Variants in ASIC2 observed in about 807,000 individuals in gnomAD.
ASIC2 encodes acid-sensing ion channel 2.
A neutral mutation model predicts 57.3 loss-of-function variants in ASIC2; 25 were observed. The observed-to-expected ratio is 0.44, with a 90% confidence interval of 0.32 to 0.61. The LOEUF (loss-of-function observed/expected upper bound fraction) is 0.61. Among genes scored for constraint, ASIC2 ranks in the 20% least tolerant of loss-of-function variants. The pLI, the probability that ASIC2 is intolerant of heterozygous loss-of-function variation, is 0.06. For synonymous variants in ASIC2, 319 were observed against 307.5 expected (o/e 1.04, Z -0.39); for missense variants, 641 against 738.1 (o/e 0.87, Z 1.52).
intron 1 of ASIC2, among the ~76,000 whole-genome samples, chr17:34,077,780 CTAAG>C (rs994964721): frequency 3.1e-4 from 47 of 152,220 alleles, no homozygotes; most frequent in African/African-American, 1.0e-3. Flanking sequence ...GATAATGAAG[CTAAG>C]TGCCCAGAGA....
intron 1 of ASIC2, among the ~76,000 whole-genome samples, chr17:33,981,079 G>A (rs749993361): frequency 2.6e-5 from 4 of 151,868 alleles, no homozygotes; most frequent in Non-Finnish European, 5.9e-5. Context: ...GAGACCACAG[G>A]CGTGCACAAT....
At chr17:33,173,598 G>A (rs969732122) in intron 1 of ASIC2, among the ~76,000 whole-genome samples, 4 of 152,198 alleles carry the variant, frequency 2.6e-5, no homozygotes, top group African/African-American at 7.2e-5. Context: ...CTCTGAAGCA[G>A]TGAGTGTGAC....
chr17:33,649,078 G>A (rs551113358), intron 1 of ASIC2, among the ~76,000 whole-genome samples: 3 of 152,218 alleles, frequency 2.0e-5, no homozygotes, highest in Middle Eastern at 3.4e-3. Context: ...GGCCAGAAAA[G>A]AAAATAAAAG....
chr17:33,962,452 G>A (rs1262476902), intron 1 of ASIC2, among the ~76,000 whole-genome samples: 2 of 152,176 alleles, frequency 1.3e-5, no homozygotes, highest in African/African-American at 2.4e-5. Context: ...AAAAGAAAAA[G>A]CTGGCTCAGT....
Position 33,544,828 on chromosome 17 carries a change from C to A in ASIC2, c.556-432761G>T, listed in dbSNP as rs1040084670. Among the ~76,000 whole-genome samples, 3 of 151,876 alleles carry A rather than the reference C, an allele frequency of 2.0e-5. No individual in the cohort carries two copies. The East Asian group carries it at 5.8e-4, about 29-fold the overall frequency. ...GGGTATTCCTAGAATGTGTATTCAC[C>A]TTTAGAATCTTCTGATTTTTTTTTT... On this transcript the variant is annotated intron_variant, in intron 1 of 9. Coordinates refer to the ASIC2 transcript ENST00000359872.
chr17:33,111,353 G>A (rs935490516), intron 2 of ASIC2, among the ~76,000 whole-genome samples: 1 of 152,206 alleles, frequency 6.6e-6, no homozygotes, highest in African/African-American at 2.4e-5. Context: ...ATAGTTTGCT[G>A]AAGAAATAAA....
chr17:33,130,272 CCTT>C (rs1191856358), intron 1 of ASIC2, among the ~76,000 whole-genome samples: 2 of 152,108 alleles, frequency 1.3e-5, no homozygotes, highest in African/African-American at 4.8e-5. Context: ...TTTTTCTCCT[CCTT>C]CTTTTCCTGC....
At chr17:33,090,309 A>G (rs1320613761) in intron 2 of ASIC2, among the ~76,000 whole-genome samples, 2 of 152,200 alleles carry the variant, frequency 1.3e-5, no homozygotes, top group African/African-American at 2.4e-5. Flanking sequence ...GCCATAGCAC[A>G]TCGTGATGAG....
chr17:33,149,123 A>G (rs576206926), intron 1 of ASIC2, among the ~76,000 whole-genome samples: 1 of 152,240 alleles, frequency 6.6e-6, no homozygotes, highest in African/African-American at 2.4e-5. Context: ...AAAAACAAAA[A>G]AACAAAAAAC....
At chr17:34,028,647 G>A (rs1266463261) in intron 1 of ASIC2, among the ~76,000 whole-genome samples, 2 of 152,192 alleles carry the variant, frequency 1.3e-5, no homozygotes, top group African/African-American at 4.8e-5. Flanking sequence ...GGACATATCT[G>A]GAGTCATAAA....
intron 1 of ASIC2, among the ~76,000 whole-genome samples, chr17:33,894,358 T>C (rs199539833): frequency 3.5e-4 from 18 of 51,492 alleles, no homozygotes; most frequent in African/African-American, 1.0e-3. Context: ...TGCGTGTGTG[T>C]GTGTGTGTGT....
chr17:33,562,160 C>A (rs1369107), intron 1 of ASIC2, among the ~76,000 whole-genome samples: 3 of 152,178 alleles, frequency 2.0e-5, no homozygotes, highest in Non-Finnish European at 4.4e-5. Flanking sequence ...TCAACTTGTA[C>A]GGGCCAAATG....
At chr17:33,184,112 C>G (rs1235781824) in intron 1 of ASIC2, among the ~76,000 whole-genome samples, 1 of 152,120 alleles carries the variant, frequency 6.6e-6, no homozygotes, top group Non-Finnish European at 1.5e-5. Flanking sequence ...CAACCCAACC[C>G]CTTTACTTTA....
At chr17:33,583,981 G>A (rs1293753591) in intron 1 of ASIC2, among the ~76,000 whole-genome samples, 1 of 152,022 alleles carries the variant, frequency 6.6e-6, no homozygotes, top group East Asian at 1.9e-4. Flanking sequence ...CCTCTGCTTG[G>A]GTTTATCTCA....
chr17:33,187,233 T>A (rs948372161), intron 1 of ASIC2, among the ~76,000 whole-genome samples: 1 of 152,158 alleles, frequency 6.6e-6, no homozygotes, highest in Non-Finnish European at 1.5e-5. Context: ...CCTGACCACA[T>A]GTCGAACAAC....
At chr17:33,707,505 G>A (rs1223306927) in intron 1 of ASIC2, among the ~76,000 whole-genome samples, 5 of 151,900 alleles carry the variant, frequency 3.3e-5, no homozygotes, top group African/African-American at 1.2e-4. Flanking sequence ...TTTGTATTTT[G>A]GCTTTCATAA....
intron 1 of ASIC2, among the ~76,000 whole-genome samples, chr17:33,941,245 G>A (rs1270331507): frequency 6.6e-6 from 1 of 152,186 alleles, no homozygotes; most frequent in Non-Finnish European, 1.5e-5. Context: ...AAGGACACTT[G>A]CAGCCCACAC....
intron 1 of ASIC2, among the ~76,000 whole-genome samples, chr17:33,314,454 C>T (rs1193152627): frequency 6.6e-6 from 1 of 152,164 alleles, no homozygotes; most frequent in African/African-American, 2.4e-5. Flanking sequence ...ATCCATCATT[C>T]CATCCCTGGT....
At chr17:33,506,984 G>T (rs1567633941) in intron 1 of ASIC2, among the ~76,000 whole-genome samples, 2 of 152,194 alleles carry the variant, frequency 1.3e-5, no homozygotes, top group Non-Finnish European at 2.9e-5. Flanking sequence ...AGCAGAGGAG[G>T]AGACAGGATG....
Sources: allele counts gnomAD v4.1 joint callset (sites outside exome capture counted in the v4.1 genomes callset), GRCh38; gene constraint gnomAD v4.1.1; transcripts MANE v1.5; gene names NCBI Gene and HGNC (gene_info 2026-07-23, HGNC 2026-07-21).